The following KLRG1 variants were observed in gnomAD, a reference collection of about 807,000 sequenced individuals.
KLRG1 encodes killer cell lectin like receptor G1, also known as killer cell lectin-like receptor subfamily G member 1.
KLRG1 carries 16 observed loss-of-function variants against 21.8 expected under a neutral mutation model. The ratio of observed to expected loss-of-function variants is 0.73; its 90% CI spans 0.50 to 1.11. The LOEUF is 1.11. KLRG1 is among the 50% of genes most tolerant of loss of function. The probability of loss-of-function intolerance (pLI) is 0.00; values close to 1 mark genes in which losing one functional copy is unlikely to be tolerated. For missense variants in KLRG1, 173 were observed against 218.3 expected, an observed-to-expected ratio of 0.79 and a Z score of 1.31; for synonymous variants, 69 against 75.9, an observed-to-expected ratio of 0.91 and a Z score of 0.47.
At chr12:9,026,176 G>A in the KLRG1 span, among the ~76,000 whole-genome samples, 1 of 152,158 alleles carries the variant, frequency 6.6e-6, no homozygotes, top group Admixed American at 6.5e-5. Context: ...GAGAAAAGGT[G>A]TCAGAAAAGA....
chr12:9,152,701 T>C, the KLRG1 span: 1 of 1,028,642 alleles, frequency 9.7e-7, no homozygotes, highest in African/African-American at 1.6e-5. Flanking sequence ...TAAATTCATT[T>C]ATAGATATAT....
chr12:9,204,049 A>G, the KLRG1 span: 4 of 1,199,784 alleles, frequency 3.3e-6, no homozygotes, highest in Non-Finnish European at 3.5e-6. Context: ...AATTGGTGCA[A>G]TCAGTTTTAT....
At chr12:9,076,985 T>G in the KLRG1 span, 2 of 1,491,608 alleles carry the variant, frequency 1.3e-6, no homozygotes, top group African/African-American at 1.4e-5. Context: ...ACAGGCATAT[T>G]AGCATTCCCA....
At chr12:9,112,518 T>G in the KLRG1 span, 1 of 1,613,710 alleles carries the variant, frequency 6.2e-7, no homozygotes, top group South Asian at 1.1e-5. Flanking sequence ...ACCTCCTCAT[T>G]GGATGAAGAC....
chr12:8,996,157 G>T (rs1203569954), intron 3 of KLRG1, among the ~76,000 whole-genome samples: 1 of 152,124 alleles, frequency 6.6e-6, no homozygotes, highest in African/African-American at 2.4e-5. Context: ...ACGCGTGCAC[G>T]TGCATGTGTG....
the KLRG1 span, chr12:9,128,433 C>G: frequency 1.3e-5 from 2 of 153,190 alleles, no homozygotes; most frequent in Non-Finnish European, 2.9e-5. Context: ...AGCATGAAAA[C>G]CGCATTGGAA....
chr12:9,112,359 C>T, the KLRG1 span: 2 of 1,610,720 alleles, frequency 1.2e-6, no homozygotes, highest in Non-Finnish European at 1.7e-6. Flanking sequence ...GTTGTCCTGT[C>T]TGTAGGCTTC....
At chr12:9,147,536 A>G in the KLRG1 span, among the ~76,000 whole-genome samples, 1 of 152,172 alleles carries the variant, frequency 6.6e-6, no homozygotes, top group Non-Finnish European at 1.5e-5. Context: ...TTTAGGATAC[A>G]GGAGTCTTTC....
the KLRG1 span, chr12:9,101,423 C>A: frequency 6.3e-7 from 1 of 1,590,402 alleles, no homozygotes; most frequent in South Asian, 1.1e-5. Context: ...ACAGTGAAGT[C>A]AACGCAGTAA....
chr12:9,192,715 A>G, the KLRG1 span: 1 of 1,612,304 alleles, frequency 6.2e-7, no homozygotes, highest in Non-Finnish European at 8.5e-7. Context: ...TAGTGAAAAC[A>G]CAAGTTGGGA....
At chr12:9,062,469 A>G in the KLRG1 span, among the ~76,000 whole-genome samples, 15 of 144,530 alleles carry the variant, frequency 1.0e-4, no homozygotes, top group South Asian at 2.2e-4. Context: ...GATGGATAAT[A>G]TATCTGATAT....
At chr12:8,961,341 A>G (rs1946377751) in intron 1 of KLRG1, among the ~76,000 whole-genome samples, 1 of 152,230 alleles carries the variant, frequency 6.6e-6, no homozygotes, top group Non-Finnish European at 1.5e-5. Flanking sequence ...TAGATAAAAA[A>G]CAGGCCTCAA....
chr12:9,194,239 C>G, the KLRG1 span: 1 of 1,613,376 alleles, frequency 6.2e-7, no homozygotes, highest in Non-Finnish European at 8.5e-7. Context: ...CCAGAAGCAC[C>G]TAAAGAAGAA....
intron 3 of KLRG1, among the ~76,000 whole-genome samples, chr12:9,005,216 A>G (rs1449101116): frequency 2.0e-5 from 3 of 151,990 alleles, no homozygotes; most frequent in Non-Finnish European, 4.4e-5. Context: ...GGTGGGGGGC[A>G]AGGGGAGGGA....
chr12:9,173,249 G>A, the KLRG1 span, among the ~76,000 whole-genome samples: 2 of 152,224 alleles, frequency 1.3e-5, no homozygotes, highest in African/African-American at 4.8e-5. Flanking sequence ...AATTAAGGCA[G>A]AAATCAAGAA....
At chr12:8,955,531 A>G (rs1161099735) in intron 1 of KLRG1, among the ~76,000 whole-genome samples, 1 of 151,406 alleles carries the variant, frequency 6.6e-6, no homozygotes, top group Non-Finnish European at 1.5e-5. Context: ...GTGGGACCAC[A>G]GGAGTGTGCT....
At chr12:9,092,659 G>C in the KLRG1 span, among the ~76,000 whole-genome samples, 1 of 152,120 alleles carries the variant, frequency 6.6e-6, no homozygotes, top group East Asian at 1.9e-4. Context: ...CACTCCCCTT[G>C]GTGCAAATGT....
chr12:9,208,860 A>G, the KLRG1 span, among the ~76,000 whole-genome samples: 5 of 152,312 alleles, frequency 3.3e-5, no homozygotes, highest in South Asian at 8.3e-4. Context: ...TAAGGATTTC[A>G]AGAGTAGAGG....
the KLRG1 span, chr12:9,069,846 A>G: frequency 3.1e-6 from 5 of 1,597,402 alleles, no homozygotes; most frequent in Admixed American, 8.3e-5. Flanking sequence ...AAATGTTAAT[A>G]AATAGATGAA....
Sources: allele counts gnomAD v4.1 joint callset (sites outside exome capture counted in the v4.1 genomes callset), GRCh38; gene constraint gnomAD v4.1.1; transcripts MANE v1.5; gene names NCBI Gene and HGNC (gene_info 2026-07-23, HGNC 2026-07-21).